Variants in KCNIP4 observed in about 807,000 individuals in gnomAD.
KCNIP4 encodes the protein Kv channel-interacting protein 4.
Under a neutral mutation model 34.0 loss-of-function variants are expected in KCNIP4, and 12 were observed. That is an observed-to-expected ratio of 0.35 (90% CI 0.23 to 0.57). The LOEUF (loss-of-function observed/expected upper bound fraction) is 0.57. Among genes scored for constraint, KCNIP4 ranks in the 20% least tolerant of loss-of-function variants. The pLI is 0.83. For missense variants in KCNIP4, 238 were observed against 311.7 expected (o/e 0.76, Z 1.78); for synonymous variants, 124 against 102.2 (o/e 1.21, Z -1.29).
chr4:21,174,186 G>T (rs900559088), intron 1 of KCNIP4, among the ~76,000 whole-genome samples: 14 of 152,184 alleles, frequency 9.2e-5, no homozygotes, highest in Middle Eastern at 3.2e-3. Context: ...AACTTGGGAA[G>T]AAAATAATGG....
chr4:21,582,343 T>C (rs1741300874), intron 1 of KCNIP4: 2 of 151,968 alleles, frequency 1.3e-5, no homozygotes, highest in South Asian at 4.1e-4. Context: ...AAGTGGAAGA[T>C]GCATTTTGCC....
chr4:21,497,583 C>T (rs554673743), intron 1 of KCNIP4, among the ~76,000 whole-genome samples: 6 of 152,258 alleles, frequency 3.9e-5, no homozygotes, highest in African/African-American at 1.4e-4. Flanking sequence ...ATAAAGTCCA[C>T]ACCTCCATTA....
intron 1 of KCNIP4, among the ~76,000 whole-genome samples, chr4:21,709,212 G>A (rs1713526540): frequency 6.6e-6 from 1 of 152,216 alleles, no homozygotes; most frequent in African/African-American, 2.4e-5. Context: ...AACAATAAAT[G>A]TCCTGACCTT....
chr4:20,924,007 C>T (rs1255828367), intron 1 of KCNIP4, among the ~76,000 whole-genome samples: 1 of 152,130 alleles, frequency 6.6e-6, no homozygotes, highest in Non-Finnish European at 1.5e-5. Flanking sequence ...CTATCCCATA[C>T]AGAGAGTACC....
intron 1 of KCNIP4, among the ~76,000 whole-genome samples, chr4:21,521,680 A>T (rs1735539933): frequency 6.6e-6 from 1 of 152,054 alleles, no homozygotes; most frequent in African/African-American, 2.4e-5. Flanking sequence ...TTGACTATTC[A>T]TTATCTTCAC....
chr4:20,747,907 C>A (rs191788866), intron 5 of KCNIP4, among the ~76,000 whole-genome samples: 1 of 152,276 alleles, frequency 6.6e-6, no homozygotes, highest in East Asian at 1.9e-4. Flanking sequence ...GCTGCCTACG[C>A]CCATATGAAC....
In KCNIP4 at chr4:21,014,326, G is replaced by T. The variant is rs118138305; in HGVS notation, c.62-131617C>A. Among the ~76,000 whole-genome samples, 565 of 152,206 alleles carry T rather than the reference G, an allele frequency of 3.7e-3. 9 individuals are homozygous for T. In the East Asian group the frequency reaches 0.053, roughly 14 times the overall value. On this transcript the variant is annotated intron_variant, in intron 1 of 8. Coordinates refer to ENST00000382152, the MANE Select transcript of KCNIP4 (RefSeq NM_025221.6). ...CCTCAAAGCCCATCATATCTACTCT[G>T]TCAAGTCCTTTTCACATTCCCCCAA...
At chr4:21,520,737 T>C (rs1312500892) in intron 1 of KCNIP4, among the ~76,000 whole-genome samples, 2 of 152,172 alleles carry the variant, frequency 1.3e-5, no homozygotes, top group African/African-American at 4.8e-5. Context: ...TGAAAAATGC[T>C]GCCTGCCCAC....
chr4:21,763,106 G>C, intron 1 of KCNIP4: 1 of 1,287,930 alleles, frequency 7.8e-7, no homozygotes, highest in Non-Finnish European at 1.0e-6. Flanking sequence ...TCCTAACAAC[G>C]AGCACAGGTT....
At chr4:21,442,013 C>G (rs1022511752) in intron 1 of KCNIP4, among the ~76,000 whole-genome samples, 5 of 152,104 alleles carry the variant, frequency 3.3e-5, no homozygotes, top group African/African-American at 1.2e-4. Flanking sequence ...TCCTACTTTC[C>G]ACTGCTTAAT....
chr4:21,466,868 A>T (rs1451154418), intron 1 of KCNIP4, among the ~76,000 whole-genome samples: 1 of 152,156 alleles, frequency 6.6e-6, no homozygotes, highest in African/African-American at 2.4e-5. Flanking sequence ...ATAGAGGTGA[A>T]GCAAATCTAT....
At chr4:21,278,559 G>A (rs942254612) in intron 1 of KCNIP4, among the ~76,000 whole-genome samples, 12 of 152,106 alleles carry the variant, frequency 7.9e-5, no homozygotes, top group Non-Finnish European at 1.5e-4. Flanking sequence ...ATTCCATGAT[G>A]TATATGTAAA....
At chr4:21,379,511 T>C (rs1721282935) in intron 1 of KCNIP4, among the ~76,000 whole-genome samples, 1 of 152,222 alleles carries the variant, frequency 6.6e-6, no homozygotes, top group Non-Finnish European at 1.5e-5. Flanking sequence ...ATTTAAGTTT[T>C]ACTACTAGGT....
intron 2 of KCNIP4, among the ~76,000 whole-genome samples, chr4:20,875,728 A>C (rs2149515665): frequency 6.6e-6 from 1 of 152,314 alleles, no homozygotes; most frequent in Admixed American, 6.5e-5. Flanking sequence ...AACATTAAAA[A>C]AAAAATCCTG....
intron 1 of KCNIP4, among the ~76,000 whole-genome samples, chr4:21,506,863 T>C (rs1733885885): frequency 6.6e-6 from 1 of 151,562 alleles, no homozygotes. Context: ...ATGATCACGG[T>C]TCACTGCAGC....
At chr4:21,292,673 C>G (rs955703252) in intron 1 of KCNIP4, among the ~76,000 whole-genome samples, 1 of 152,128 alleles carries the variant, frequency 6.6e-6, no homozygotes, top group Non-Finnish European at 1.5e-5. Context: ...TACTCCCCAC[C>G]ACACAAATGC....
chr4:21,748,667 G>C (rs1366411715), intron 1 of KCNIP4, among the ~76,000 whole-genome samples: 1 of 152,100 alleles, frequency 6.6e-6, no homozygotes, highest in East Asian at 1.9e-4. Context: ...TTTGGAAGGG[G>C]TGTAATCTGA....
At chr4:21,078,772 A>G (rs1450303316) in intron 1 of KCNIP4, among the ~76,000 whole-genome samples, 1 of 152,084 alleles carries the variant, frequency 6.6e-6, no homozygotes, top group African/African-American at 2.4e-5. Flanking sequence ...TACTACTTAT[A>G]TGTTCTGCCA....
At chr4:20,872,397 C>T (rs568837251) in intron 2 of KCNIP4, among the ~76,000 whole-genome samples, 1 of 152,210 alleles carries the variant, frequency 6.6e-6, no homozygotes, top group African/African-American at 2.4e-5. Flanking sequence ...GCCTGTCACA[C>T]TTGGTGCTTC....
Sources: gnomAD v4.1 joint callset for allele counts (sites outside exome capture counted in the v4.1 genomes callset) on GRCh38, gnomAD v4.1.1 for gene constraint, MANE v1.5 for transcripts, NCBI Gene and HGNC (gene_info 2026-07-23, HGNC 2026-07-21) for gene names.